AMPD1: variants seen among roughly 807,000 people sequenced by gnomAD.
The protein encoded by AMPD1 is adenosine monophosphate deaminase 1.
Under a neutral mutation model 82.9 loss-of-function variants are expected in AMPD1, and 74 were observed. That is an observed-to-expected ratio of 0.89 (90% CI 0.74 to 1.08). The LOEUF (loss-of-function observed/expected upper bound fraction) is 1.08, where lower values mean the gene tolerates loss of function less well. AMPD1 is among the 50% of genes least tolerant of loss of function. The pLI, the probability that AMPD1 is intolerant of heterozygous loss-of-function variation, is 0.00. For synonymous variants in AMPD1, 333 were observed against 320.5 expected, an observed-to-expected ratio of 1.04 and a Z score of -0.42; for missense variants, 881 against 924.5, an observed-to-expected ratio of 0.95 and a Z score of 0.61.
intron 10 of AMPD1, among the ~76,000 whole-genome samples, chr1:114,676,809 A>T (rs1657997222): frequency 6.6e-6 from 1 of 152,118 alleles, no homozygotes; most frequent in South Asian, 2.1e-4. Context: ...GATCAATGAT[A>T]CTGAACAAAC....
intron 2 of AMPD1, among the ~76,000 whole-genome samples, chr1:114,692,534 A>G (rs928439275): frequency 5.9e-5 from 9 of 151,756 alleles, no homozygotes; most frequent in Non-Finnish European, 1.2e-4. Context: ...AAATACAAAA[A>G]TTAGTCAGAT....
chr1:114,695,334 T>TATC, intron 1 of AMPD1, 116 bp downstream of exon 1: 1 of 1,439,688 alleles, frequency 6.9e-7, no homozygotes, highest in East Asian at 2.3e-5. Flanking sequence ...ATGTTAAAGC[T>TATC]ATCACGAACC....
At position 114,686,903 on chromosome 1, in the gene AMPD1, G is replaced by T. The variant is rs12566550; in HGVS notation, c.223C>A (p.Arg75Ser). 1 of 1,614,052 alleles carries T rather than the reference G, an allele frequency of 6.2e-7. No homozygotes were observed. The highest frequency in any genetic ancestry group is 1.1e-5 in the South Asian group (1 of 91,084). ...TTAACAGTCTTCCGTCCTTGGAAAC[G>T]CTTTTTTCTGGGTTCGAAATTTAAA... ...STSTEARRKK[R>S]FQGRKTVNLS... The change falls in exon 4 of 16, where the codon CGT (arginine) becomes AGT (serine). Residue 75 changes from arginine (R) to serine (S), a missense_variant. By Grantham distance (110) the Arg-to-Ser change is moderately radical. This residue lies in a region of AMPD1 where 783 missense variants were observed against 786.4 expected (regional missense o/e 1.00). Transcript: ENST00000520113.
chr1:114,679,014 A>T (rs1401914387), intron 7 of AMPD1, among the ~76,000 whole-genome samples: 1 of 152,174 alleles, frequency 6.6e-6, no homozygotes, highest in Admixed American at 6.5e-5. Context: ...CTGAGCCAGG[A>T]TTTGGGCCTG....
intron 6 of AMPD1, 75 bp from the exon 7 acceptor site, chr1:114,679,783 CA>C: frequency 1.3e-6 from 2 of 1,515,834 alleles, no homozygotes; most frequent in Non-Finnish European, 1.8e-6. Flanking sequence ...TCAAAACTAT[CA>C]GGACCTTTAT....
At chr1:114,692,634 C>A (rs1008093208) in intron 2 of AMPD1, among the ~76,000 whole-genome samples, 1 of 151,596 alleles carries the variant, frequency 6.6e-6, no homozygotes, top group African/African-American at 2.4e-5. Flanking sequence ...AGTGAGCTAT[C>A]GCACCACTGC....
chr1:114,673,208 C>A lies in AMPD1; in HGVS notation c.2150G>T (p.Arg717Met). 6.2e-7 allele frequency: 1 copy of A among 1,614,094 alleles called. No individual in the cohort carries two copies. The highest frequency in any genetic ancestry group is 1.3e-5 in the African/African-American group (1 of 75,020). Residue 717 changes from arginine (R) to methionine (M), a missense_variant, in exon 16 of 16, where the codon AGG (arginine) becomes ATG (methionine). By Grantham distance (91) the Arg-to-Met change is moderately conservative (BLOSUM62 -1). Transcript: ENST00000520113. ...EEGPAGNDIR[R>M]TNVAQIRMAY... is the part of the protein sequence containing the mutation. ...CATGCGGATTTGGGCTACATTTGTC[C>A]TCCGGATATCATTTCCAGCAGGGCC... is the stretch of plus-strand genomic sequence containing the variant.
At chr1:114,679,755 A>G in intron 6 of AMPD1, 47 bp from the exon 7 acceptor site, 1 of 1,604,264 alleles carries the variant, frequency 6.2e-7, no homozygotes, top group Non-Finnish European at 8.5e-7. Flanking sequence ...CAGGCATTCA[A>G]GAAAAACAGT....
intron 4 of AMPD1, among the ~76,000 whole-genome samples, chr1:114,685,246 C>G (rs1225473855): frequency 6.6e-6 from 1 of 152,160 alleles, no homozygotes; most frequent in East Asian, 1.9e-4. Flanking sequence ...CAATGGCATG[C>G]GTAGCTCATT....
intron 7 of AMPD1, 146 bp from the exon 8 acceptor site, chr1:114,678,673 G>T: frequency 1.2e-6 from 1 of 809,590 alleles, no homozygotes; most frequent in Non-Finnish European, 2.1e-6. Context: ...AGGTGGTCCA[G>T]CAATAAAAAA....
chr1:114,675,834 G>T, intron 11 of AMPD1, 43 bp downstream of exon 11: 1 of 1,613,926 alleles, frequency 6.2e-7, no homozygotes, highest in Non-Finnish European at 8.5e-7. Context: ...TAGGAAGGCT[G>T]GTTCATGAGC....
In AMPD1 at chr1:114,688,573, G is replaced by A. The variant is rs901188734; in HGVS notation, c.203C>T (p.Thr68Ile). 3.7e-6 allele frequency: 6 copies of A among 1,614,200 alleles called. No individual in the cohort carries two copies. The Admixed American group carries it at 5.0e-5, about 13-fold the overall frequency. The part of the protein sequence containing the change: ...IFHLETLSTS[T>I]EARRKKRFQG... ...TTACACCACTTACCTCCTGGCTTCT[G>A]TGGAGGTGGACAGAGTCTCCAGATG... The change falls in exon 3 of 16, where the codon ACA becomes ATA. Residue 68 changes from threonine (T) to isoleucine (I), a missense_variant. Transcript: ENST00000520113.
intron 6 of AMPD1, 145 bp from the exon 7 acceptor site, chr1:114,679,853 C>CTACTTCTCAG: frequency 2.0e-6 from 2 of 979,248 alleles, no homozygotes; most frequent in Non-Finnish European, 3.2e-6. Context: ...GTTAATCCCA[C>CTACTTCTCAG]TGAGAAGTAG....
intron 2 of AMPD1, among the ~76,000 whole-genome samples, chr1:114,693,160 ATAAATAAG>A (rs1484465242): frequency 3.9e-5 from 5 of 127,736 alleles, no homozygotes; most frequent in East Asian, 3.9e-4. Context: ...AAATAAATAA[ATAAATAAG>A]TAAAAGCACT....
chr1:114,675,604 C>G lies in AMPD1; in HGVS notation c.1605G>C (p.Leu535Phe). ...SKSPKPQEWT[L>F]EKNPSYTYYA... ...AGTAAGTGTAAGATGGATTCTTTTC[C>G]AATGTCCACTCCTGGGGCTTGGGAC... is the stretch of plus-strand genomic sequence containing the variant. The change falls in exon 12 of 16, where the codon TTG becomes TTC. Residue 535 changes from leucine to phenylalanine, a missense_variant. Leu to Phe is a conservative substitution (Grantham distance 22). Coordinates refer to ENST00000520113, the MANE Select transcript of AMPD1 (RefSeq NM_000036.3). 6.2e-7 allele frequency: 1 copy of G among 1,614,160 alleles called. No individual in the cohort carries two copies. The highest frequency in any genetic ancestry group is 8.5e-7 in the Non-Finnish European group (1 of 1,180,008).
At chr1:114,688,846 G>T in intron 2 of AMPD1, 105 bp from the exon 3 acceptor site, 1 of 1,298,392 alleles carries the variant, frequency 7.7e-7, no homozygotes, top group East Asian at 2.3e-5. Context: ...TGCGTGCATG[G>T]CTCTCCTGCT....
In AMPD1 at chr1:114,677,831, TTC is replaced by T. The variant is rs1491196467; in HGVS notation, c.1224+77_1224+78del. On this transcript the variant is annotated intron_variant, in intron 9 of 15. Transcript: ENST00000520113. ...CTTCCTTCCTTCCTTCCTTCCTTCCTTCCTTCCTTCCTTCCTTCCTTCTTCCC... is the reference window on the plus strand; with the variant it reads ...CTTCCTTCCTTCCTTCCTTCCTTCCTCTTCCTTCCTTCCTTCCTTCTTCCC... 4.1e-6 allele frequency: 5 copies of T among 1,224,552 alleles called. No homozygotes were observed. In the African/African-American group the frequency reaches 8.0e-5, roughly 20 times the overall value. The allele number at this position is 1,224,552 out of a possible 1,614,324, so 75.9% of individuals were successfully genotyped here.
intron 12 of AMPD1, 67 bp downstream of exon 12, chr1:114,675,463 A>G (rs535783651): frequency 2.1e-4 from 327 of 1,552,936 alleles, no homozygotes; most frequent in Non-Finnish European, 2.7e-4. Context: ...GACCACCTTA[A>G]TTGCCAATAT....
Position 114,675,572 on chromosome 1 carries a change from T to C in AMPD1, c.1637A>G (p.Tyr546Cys), listed in dbSNP as rs747903201. 19 of 1,614,224 alleles carry C rather than the reference T, an allele frequency of 1.2e-5. No homozygotes were observed. Among genetic ancestry groups the C allele is most frequent in the Middle Eastern group, 1.6e-4 (1 of 6,062 alleles). ...CACCATGATGTTTGCATACATGTAGTAGGCATAGTAAGTGTAAGATGGATT... is the reference window on the plus strand; with the variant it reads ...CACCATGATGTTTGCATACATGTAGCAGGCATAGTAAGTGTAAGATGGATT... The part of the protein sequence containing the change: ...EKNPSYTYYA[Y>C]YMYANIMVLN... Residue 546 changes from tyrosine to cysteine, a missense_variant, in exon 12 of 16, where the codon TAC (tyrosine) becomes TGC (cysteine). By Grantham distance (194) the Tyr-to-Cys change is radical. Transcript: ENST00000520113.
Sources: allele counts gnomAD v4.1 joint callset (sites outside exome capture counted in the v4.1 genomes callset), GRCh38; gene constraint gnomAD v4.1.1; regional missense constraint gnomAD v4.1.1; transcripts MANE v1.5; gene names NCBI Gene and HGNC (gene_info 2026-07-23, HGNC 2026-07-21).